Variants in WDR72 observed in about 807,000 individuals in gnomAD.
The protein encoded by WDR72 is WD repeat-containing protein 72.
A neutral mutation model predicts 124.2 loss-of-function variants in WDR72; 120 were observed. The observed-to-expected ratio is 0.97, with a 90% CI of 0.83 to 1.12. The LOEUF (loss-of-function observed/expected upper bound fraction) is 1.12. Ranked by LOEUF, WDR72 falls within the 50% of genes most tolerant of loss-of-function variation. The pLI is 0.00. For missense variants in WDR72, 1,387 were observed against 1,278.8 expected, an observed-to-expected ratio of 1.08 and a Z score of -1.29; for synonymous variants, 452 against 441.7, an observed-to-expected ratio of 1.02 and a Z score of -0.29.
chr15:53,760,289 C>G (rs931374730), upstream of WDR72, among the ~76,000 whole-genome samples: 1 of 151,956 alleles, frequency 6.6e-6, no homozygotes, highest in South Asian at 2.1e-4. Context: ...GTTTTTTCTA[C>G]CCATTTACCA....
At chr15:53,758,166 C>A (rs1378581988) in intron 1 of WDR72, among the ~76,000 whole-genome samples, 1 of 152,040 alleles carries the variant, frequency 6.6e-6, no homozygotes, top group African/African-American at 2.4e-5. Flanking sequence ...CACACCACCA[C>A]ACCCAGCTGA....
At chr15:53,640,346 C>T (rs1263918576) in intron 14 of WDR72, among the ~76,000 whole-genome samples, 2 of 152,106 alleles carry the variant, frequency 1.3e-5, no homozygotes, top group South Asian at 2.1e-4. Flanking sequence ...AGTTAGGATG[C>T]CTCCACTCTT....
chr15:53,523,346 G>A lies in WDR72; in HGVS notation c.3149-24C>T, dbSNP rs747735806. On this transcript the variant is annotated intron_variant, in intron 18 of 19. Transcript: ENST00000360509. Reference sequence around the variant, plus strand: ...AGCTATTAAAAGAGAGAGAGAGAGAGAGAGAGACAGAAGAGAGAGGATGAA... The same window carrying A: ...AGCTATTAAAAGAGAGAGAGAGAGAAAGAGAGACAGAAGAGAGAGGATGAA... 1.9e-5 allele frequency: 30 copies of A among 1,607,260 alleles called. No homozygotes were observed. The East Asian group carries it at 6.7e-4, about 36-fold the overall frequency.
intron 18 of WDR72, among the ~76,000 whole-genome samples, chr15:53,585,776 A>G (rs2012172813): frequency 6.6e-6 from 1 of 151,996 alleles, no homozygotes; most frequent in African/African-American, 2.4e-5. Context: ...CGTCCCAAGA[A>G]GAGTGTGATC....
chr15:53,619,264 TTGTGTGTG>T (rs3081256), intron 14 of WDR72, among the ~76,000 whole-genome samples: 6 of 147,506 alleles, frequency 4.1e-5, no homozygotes, highest in South Asian at 2.2e-4. Context: ...TGCTTTATAA[TTGTGTGTG>T]TGTGTGTGTG....
chr15:53,609,662 G>A, intron 16 of WDR72, 70 bp from the exon 17 acceptor site: 8 of 1,306,578 alleles, frequency 6.1e-6, no homozygotes, highest in Non-Finnish European at 7.7e-6. Flanking sequence ...AAGATGGGCT[G>A]CATATTAGAA....
Position 53,732,217 on chromosome 15 carries a change from A to C in WDR72, c.153+780T>G, listed in dbSNP as rs2018223132. 1.1e-4 allele frequency among the ~76,000 whole-genome samples: 17 copies of C among 152,340 alleles called. No individual in the cohort carries two copies. In the South Asian group the frequency reaches 3.3e-3, roughly 30 times the overall value. On this transcript the variant is annotated intron_variant, in intron 2 of 19. Coordinates refer to ENST00000360509, the MANE Select transcript of WDR72 (RefSeq NM_182758.4). ...GGGAGATGTTAATTAATTACACTATAAAATAGAATTACAATTAATTGTTAA... is the reference window on the plus strand; with the variant it reads ...GGGAGATGTTAATTAATTACACTATCAAATAGAATTACAATTAATTGTTAA...
At chr15:53,601,404 C>T (rs182453774) in intron 17 of WDR72, among the ~76,000 whole-genome samples, 1 of 152,262 alleles carries the variant, frequency 6.6e-6, no homozygotes, top group East Asian at 1.9e-4. Flanking sequence ...ATTACAAAAA[C>T]ACACTGATGT....
intron 13 of WDR72, among the ~76,000 whole-genome samples, chr15:53,691,062 A>ATAACCTTTATAGGGTCTCAT (rs1356300243): frequency 1.5e-4 from 23 of 152,066 alleles, no homozygotes; most frequent in African/African-American, 5.6e-4. Context: ...AATGATGTTG[A>ATAACCTTTATAGGGTCTCAT]TAACCTTTAT....
chr15:53,518,544 A>G (rs1891592897), intron 19 of WDR72, among the ~76,000 whole-genome samples: 1 of 151,588 alleles, frequency 6.6e-6, no homozygotes, highest in African/African-American at 2.4e-5. Context: ...GAAAGTGCTT[A>G]TATCTTCCTA....
intron 18 of WDR72, among the ~76,000 whole-genome samples, chr15:53,534,894 C>G (rs1025226691): frequency 6.6e-6 from 1 of 151,910 alleles, no homozygotes; most frequent in Non-Finnish European, 1.5e-5. Context: ...CCTGGGGCTA[C>G]GGGAGGAAAT....
At chr15:53,562,904 T>C (rs547508482) in intron 18 of WDR72, among the ~76,000 whole-genome samples, 11 of 151,954 alleles carry the variant, frequency 7.2e-5, no homozygotes, top group African/African-American at 2.6e-4. Context: ...TTTAAGGTCT[T>C]CTATGCCTTG....
At chr15:53,553,142 C>T (rs1050296373) in intron 18 of WDR72, among the ~76,000 whole-genome samples, 6 of 151,958 alleles carry the variant, frequency 3.9e-5, no homozygotes, top group African/African-American at 1.4e-4. Flanking sequence ...TCATAATGCC[C>T]GGTAGAGGGG....
intron 2 of WDR72, among the ~76,000 whole-genome samples, chr15:53,727,290 A>G (rs2018069977): frequency 6.6e-6 from 1 of 152,038 alleles, no homozygotes; most frequent in South Asian, 2.1e-4. Context: ...TGTGGGTAAT[A>G]AAAATCTATT....
rs181430191 is a variant in WDR72 at position 53,720,715 on chromosome 15, G to A, written c.260+2087C>T. Among the ~76,000 whole-genome samples the A allele has an allele frequency of 3.9e-4, 59 of 152,222 alleles. No homozygotes were observed. In the East Asian group the frequency reaches 0.011, roughly 28 times the overall value. ...ATTAACACTCCTTGGTAAATAAACT[G>A]CTTTTTCTCACTGTCTACCTACAGG... On this transcript the variant is annotated intron_variant, in intron 3 of 19. Transcript: ENST00000360509.
intron 14 of WDR72, among the ~76,000 whole-genome samples, chr15:53,617,723 T>C (rs2013825604): frequency 6.6e-6 from 1 of 151,806 alleles, no homozygotes; most frequent in African/African-American, 2.4e-5. Context: ...AAAAATGAAA[T>C]TAAAATAATA....
intron 1 of WDR72, among the ~76,000 whole-genome samples, chr15:53,739,722 C>T (rs1405193201): frequency 1.3e-5 from 2 of 151,968 alleles, no homozygotes; most frequent in African/African-American, 4.8e-5. Context: ...ATTGAGACAA[C>T]GAAAATCACC....
At chr15:53,579,745 T>C (rs2011813043) in intron 18 of WDR72, among the ~76,000 whole-genome samples, 1 of 152,084 alleles carries the variant, frequency 6.6e-6, no homozygotes, top group East Asian at 1.9e-4. Flanking sequence ...AAAGACTCTA[T>C]GAGTCCTGTA....
At chr15:53,524,000 G>A (rs1891964824) in intron 18 of WDR72, among the ~76,000 whole-genome samples, 2 of 152,106 alleles carry the variant, frequency 1.3e-5, no homozygotes, top group Admixed American at 6.6e-5. Context: ...CCATGGTACC[G>A]ACTAATTCTG....
Sources: gnomAD v4.1 joint callset for allele counts (sites outside exome capture counted in the v4.1 genomes callset) on GRCh38, gnomAD v4.1.1 for gene constraint, MANE v1.5 for transcripts, NCBI Gene and HGNC (gene_info 2026-07-23, HGNC 2026-07-21) for gene names.